The following NRDE2 variants were observed in gnomAD, a reference collection of about 807,000 sequenced individuals.
The protein encoded by NRDE2 is nuclear exosome regulator NRDE2.
In NRDE2, 76 loss-of-function variants were observed where a neutral mutation model predicts 124.2. That is an observed-to-expected ratio of 0.61 (90% confidence interval 0.51 to 0.74). NRDE2 has a LOEUF of 0.74. NRDE2 is among the 30% of genes least tolerant of loss of function. The pLI is 0.00. For missense variants in NRDE2, 1,314 were observed against 1,417.3 expected (o/e 0.93, Z 1.17); for synonymous variants, 489 against 528.1 (o/e 0.93, Z 1.01).
rs1424290319 is a variant in NRDE2 at position 90,301,333 on chromosome 14, C to T, written c.1451G>A (p.Gly484Asp). 1 of 1,613,826 alleles carries T rather than the reference C, an allele frequency of 6.2e-7. No homozygotes were observed. The highest frequency in any genetic ancestry group is 1.1e-5 in the South Asian group (1 of 91,066). The change falls in exon 7 of 14, where the codon GGC (glycine) becomes GAC (aspartate). Residue 484 changes from glycine to aspartate, a missense_variant. Gly to Asp is a moderately conservative substitution (Grantham distance 94). Transcript: ENST00000354366. ...CAATGAGATGGCCTTCTCAGAGTGGCCAGCCTGCCGCAGAAAGTGGCACTG... is the reference window on the plus strand; with the variant it reads ...CAATGAGATGGCCTTCTCAGAGTGGTCAGCCTGCCGCAGAAAGTGGCACTG... ...LQQCHFLRQA[G>D]HSEKAISLFQ...
chr14:90,288,342 G>A lies in NRDE2; in HGVS notation c.3033C>T (p.Ser1011=). ...ATCTCCTGGTTTTGCTGGCACTGTG[G>A]GACTTATTCTGAATCTGTACATAGG... is the stretch of plus-strand genomic sequence containing the variant. ...WRSYVQIQNK[S]HSASKTRRFF... is the part of the protein sequence containing the mutation. The change falls in exon 11 of 14, where the codon TCC becomes TCT. Residue 1011 remains serine (S), a synonymous_variant. Coordinates refer to ENST00000354366, the MANE Select transcript of NRDE2 (RefSeq NM_017970.4). The A allele has an allele frequency of 6.2e-7, 1 of 1,614,190 alleles. No individual in the cohort carries two copies.
At chr14:90,312,960 C>T (rs1420332014) in intron 3 of NRDE2, among the ~76,000 whole-genome samples, 1 of 152,180 alleles carries the variant, frequency 6.6e-6, no homozygotes, top group African/African-American at 2.4e-5. Context: ...AACTCCCACA[C>T]CTCCAAAGGT....
Position 90,304,212 on chromosome 14 carries a change from G to GT in NRDE2, c.727dup (p.Thr243AsnfsTer2). 1 of 1,614,126 alleles carries GT rather than the reference G, an allele frequency of 6.2e-7. No homozygotes were observed. The highest frequency in any genetic ancestry group is 8.5e-7 in the Non-Finnish European group (1 of 1,180,030). ...GATGGGCTCAGATGAGGGAGGTTCA[G>GT]TTTTACTGCTAATGGCAACTCCATC... On this transcript the variant is annotated frameshift_variant, in exon 5 of 14. Coordinates refer to ENST00000354366, the MANE Select transcript of NRDE2 (RefSeq NM_017970.4). LOFTEE classifies it high-confidence loss of function.
At chr14:90,330,223 A>AAATAAATAAATAAATAAATAAAT (rs1268095960) in intron 1 of NRDE2, among the ~76,000 whole-genome samples, 3 of 24,412 alleles carry the variant, frequency 1.2e-4, no homozygotes, top group African/African-American at 5.5e-4. Flanking sequence ...AAAAATAAAT[A>AAATAAATAAATAAATAAATAAAT]AATAAATAAA....
At chr14:90,290,085 G>A (rs1053532068) in intron 10 of NRDE2, 136 bp downstream of exon 10, 3 of 878,910 alleles carry the variant, frequency 3.4e-6, no homozygotes, top group Non-Finnish European at 5.1e-6. Context: ...CACACACAAG[G>A]TGCCTTCAGG....
Position 90,299,565 on chromosome 14 carries a change from T to G in NRDE2, c.1546-1185A>C, listed in dbSNP as rs116622526. Among the ~76,000 whole-genome samples, 1,148 of 152,258 alleles carry G rather than the reference T, an allele frequency of 7.5e-3. 18 individuals are homozygous for G. Among genetic ancestry groups the G allele is most frequent in the African/African-American group, 0.026 (1,080 of 41,544 alleles). On this transcript the variant is annotated intron_variant, in intron 7 of 13. Coordinates refer to ENST00000354366, the MANE Select transcript of NRDE2 (RefSeq NM_017970.4). ...GTGAAAGCTTTTGTAAGAAACCTTTTGAAGAGGACAAGCAGGCTTCCAGTG... is the reference window on the plus strand; with the variant it reads ...GTGAAAGCTTTTGTAAGAAACCTTTGGAAGAGGACAAGCAGGCTTCCAGTG...
chr14:90,290,976 C>A (rs117525472), intron 9 of NRDE2, among the ~76,000 whole-genome samples: 1 of 152,158 alleles, frequency 6.6e-6, no homozygotes, highest in Non-Finnish European at 1.5e-5. Context: ...ACTTTGATAA[C>A]GCATGATGGT....
intron 12 of NRDE2, among the ~76,000 whole-genome samples, chr14:90,283,397 T>C (rs1003332221): frequency 3.3e-5 from 5 of 152,214 alleles, no homozygotes; most frequent in Admixed American, 6.5e-5. Context: ...TGCCTCTACC[T>C]GTAAAAGACT....
In NRDE2 at chr14:90,290,560, A is replaced by G. The variant is rs1405328497; in HGVS notation, c.1890T>C (p.His630=). The part of the protein sequence containing the change: ...IGQSLIRLSS[H]DLQFQLVEAF... ...CCTCCACCAGCTGGAACTGAAGATC[A>G]TGGCTGGAAAGTCTGATCAAAGATT... is the stretch of plus-strand genomic sequence containing the variant. The change falls in exon 10 of 14, where the codon CAT becomes CAC. Residue 630 remains histidine (H), a synonymous_variant. Transcript: ENST00000354366. 1.7e-5 allele frequency: 27 copies of G among 1,589,734 alleles called. No homozygotes were observed. Among genetic ancestry groups the G allele is most frequent in the Non-Finnish European group, 2.3e-5 (27 of 1,165,966 alleles).
intron 11 of NRDE2, among the ~76,000 whole-genome samples, chr14:90,287,738 T>C (rs1892147126): frequency 1.3e-5 from 2 of 152,132 alleles, no homozygotes; most frequent in South Asian, 4.2e-4. Context: ...TACCAAGCAC[T>C]TACCTCACTG....
In NRDE2 at chr14:90,288,541, T is replaced by C. The variant is rs750452575; in HGVS notation, c.2834A>G (p.Glu945Gly). The change falls in exon 11 of 14, where the codon GAG becomes GGG. Residue 945 changes from glutamate to glycine, a missense_variant. By Grantham distance (98) the Glu-to-Gly change is moderately conservative (BLOSUM62 -2). Coordinates refer to ENST00000354366, the MANE Select transcript of NRDE2 (RefSeq NM_017970.4). ...ACTCTGGGAGCTGGCACTGTCCCCC[T>C]CGCCAGAGCCTTCTGGGAAAACAGA... ...NSSVFPEGSGEGDSASSQSWT... is the reference protein window; with the variant it reads ...NSSVFPEGSGGGDSASSQSWT... 21 of 1,614,014 alleles carry C rather than the reference T, an allele frequency of 1.3e-5. No individual in the cohort carries two copies. Among genetic ancestry groups the C allele is most frequent in the Non-Finnish European group, 1.8e-5 (21 of 1,179,980 alleles).
chr14:90,309,163 A>G (rs1884731432), intron 4 of NRDE2, among the ~76,000 whole-genome samples: 2 of 152,070 alleles, frequency 1.3e-5, no homozygotes, highest in African/African-American at 4.8e-5. Context: ...GCATTGGCCC[A>G]AGAGAAAAAA....
chr14:90,288,480 G>A lies in NRDE2; in HGVS notation c.2895C>T (p.His965=), dbSNP rs1477657690. 1.9e-6 allele frequency: 3 copies of A among 1,614,168 alleles called. No homozygotes were observed. The highest frequency in any genetic ancestry group is 2.2e-5 in the East Asian group (1 of 44,870). ...TSVLEAITLM[H]TSLLRFHMKV... ...TCATGTGGAATCTCAGCAGGCTCGT[G>A]TGCATCAGTGTGATGGCTTCGAGAA... Residue 965 remains histidine, a synonymous_variant, in exon 11 of 14, where the codon CAC becomes CAT. Coordinates refer to ENST00000354366, the MANE Select transcript of NRDE2 (RefSeq NM_017970.4).
intron 3 of NRDE2, among the ~76,000 whole-genome samples, chr14:90,313,262 G>T (rs528803220): frequency 1.1e-4 from 16 of 151,978 alleles, no homozygotes; most frequent in African/African-American, 3.6e-4. Context: ...GAGTAGCTGG[G>T]ACTACAGGTG....
At position 90,270,992 on chromosome 14, in the gene NRDE2, TA is replaced by T. The variant is rs1185832538; in HGVS notation, c.*7343del. The stretch of plus-strand genomic sequence containing the variant: ...CCCACGGATCATTGGCAGTTAGTCC[TA>T]GAGAACTAGATGTCTCTGTTGGCAA... On this transcript the variant is annotated 3_prime_UTR_variant, in exon 14 of 14. Transcript: ENST00000354366. 3.9e-5 allele frequency: 6 copies of T among 152,154 alleles called. No homozygotes were observed. The highest frequency in any genetic ancestry group is 7.3e-5 in the Non-Finnish European group (5 of 68,042). 9.4% of individuals were successfully genotyped at this position (152,154 alleles called of 1,614,324 possible). A position where few individuals can be genotyped will look rare whatever the true frequency, so the allele number is the denominator to read the frequency against.
intron 8 of NRDE2, among the ~76,000 whole-genome samples, chr14:90,293,677 C>T (rs116095931): frequency 9.9e-4 from 151 of 152,240 alleles, no homozygotes; most frequent in African/African-American, 3.3e-3. Context: ...TTAAGTCATC[C>T]GAATTTTTAG....
chr14:90,316,855 T>A, intron 2 of NRDE2, 44 bp from the exon 3 acceptor site: 1 of 1,262,924 alleles, frequency 7.9e-7, no homozygotes, highest in Non-Finnish European at 1.1e-6. Flanking sequence ...TAAAAAGATG[T>A]AGGAAAAATA....
At chr14:90,309,878 C>T (rs1198001245) in intron 4 of NRDE2, among the ~76,000 whole-genome samples, 1 of 152,142 alleles carries the variant, frequency 6.6e-6, no homozygotes, top group African/African-American at 2.4e-5. Context: ...ATGCCCTAAG[C>T]CCTTTAGCAG....
intron 9 of NRDE2, among the ~76,000 whole-genome samples, chr14:90,291,755 C>G (rs993566788): frequency 6.6e-6 from 1 of 152,208 alleles, no homozygotes; most frequent in Non-Finnish European, 1.5e-5. Context: ...CCCCATTCCC[C>G]ACTCCTCAAA....
Sources: allele counts gnomAD v4.1 joint callset (sites outside exome capture counted in the v4.1 genomes callset), GRCh38; gene constraint gnomAD v4.1.1; transcripts MANE v1.5; gene names NCBI Gene and HGNC (gene_info 2026-07-23, HGNC 2026-07-21).